The following SYT9 variants were observed in gnomAD, a reference collection of about 807,000 sequenced individuals.
The protein encoded by SYT9 is synaptotagmin 9.
SYT9 carries 22 observed loss-of-function variants against 48.4 expected under a neutral mutation model. That is an observed-to-expected ratio of 0.45 (90% CI 0.32 to 0.65). SYT9 has a LOEUF of 0.65. SYT9 is among the 30% of genes least tolerant of loss of function. The probability of loss-of-function intolerance (pLI) is 0.03; values close to 1 mark genes in which losing one functional copy is unlikely to be tolerated. For missense variants in SYT9, 577 were observed against 622.0 expected (o/e 0.93, Z 0.77); for synonymous variants, 265 against 245.0 (o/e 1.08, Z -0.76).
intron 6 of SYT9, chr11:7,438,040 C>T (rs1449224361): frequency 6.6e-6 from 1 of 152,202 alleles, no homozygotes; most frequent in Non-Finnish European, 1.5e-5. Flanking sequence ...AGATGAAGCA[C>T]CGGCCTGTAA....
intron 1 of SYT9, among the ~76,000 whole-genome samples, chr11:7,286,815 C>T (rs568801429): frequency 6.6e-5 from 10 of 152,252 alleles, no homozygotes; most frequent in African/African-American, 1.4e-4. Flanking sequence ...ACAAGTTCCC[C>T]GTCTCTATCT....
At chr11:7,253,870 G>C (rs1257175176) in intron 1 of SYT9, among the ~76,000 whole-genome samples, 1 of 152,172 alleles carries the variant, frequency 6.6e-6, no homozygotes, top group Non-Finnish European at 1.5e-5. Context: ...CAATTATTTT[G>C]CATGCTTTGC....
chr11:7,283,166 C>G (rs57316964), intron 1 of SYT9, among the ~76,000 whole-genome samples: 2 of 121,644 alleles, frequency 1.6e-5, no homozygotes, highest in African/African-American at 6.4e-5. Context: ...TATATATATA[C>G]ACACACACAC....
At chr11:7,336,061 T>G (rs929103539) in intron 3 of SYT9, among the ~76,000 whole-genome samples, 33 of 152,324 alleles carry the variant, frequency 2.2e-4, no homozygotes, top group Admixed American at 2.2e-3. Flanking sequence ...GGTATCTCAT[T>G]GGCGTTTTCA....
intron 1 of SYT9, among the ~76,000 whole-genome samples, chr11:7,245,241 A>G (rs894220661): frequency 2.6e-5 from 4 of 152,202 alleles, no homozygotes; most frequent in African/African-American, 9.7e-5. Flanking sequence ...TGTAAAATGG[A>G]AACATAATGT....
intron 1 of SYT9, among the ~76,000 whole-genome samples, chr11:7,242,331 C>A (rs1230710500): frequency 6.6e-6 from 1 of 152,162 alleles, no homozygotes; most frequent in Non-Finnish European, 1.5e-5. Flanking sequence ...CTGGACCCAT[C>A]TGGGGTGGTT....
intron 1 of SYT9, among the ~76,000 whole-genome samples, chr11:7,276,140 C>G (rs1298898198): frequency 6.6e-6 from 1 of 152,132 alleles, no homozygotes; most frequent in Non-Finnish European, 1.5e-5. Context: ...CTCAGTCACT[C>G]AGGTTGGAAA....
upstream of SYT9, among the ~76,000 whole-genome samples, chr11:7,249,794 C>A (rs1283369215): frequency 6.6e-6 from 1 of 152,130 alleles, no homozygotes; most frequent in African/African-American, 2.4e-5. Flanking sequence ...TGTTAACTTG[C>A]ACAAGGTTGG....
rs192478244 is a variant in SYT9 at position 7,396,566 on chromosome 11, C to A, written c.1045-19476C>A. 4.9e-4 allele frequency among the ~76,000 whole-genome samples: 75 copies of A among 152,204 alleles called. 1 individual carries two copies. The highest frequency in any genetic ancestry group is 1.2e-3 in the Admixed American group (19 of 15,280). On this transcript the variant is annotated intron_variant, in intron 3 of 6. Transcript: ENST00000318881. ...TGGGTCAGAACAATGACGTACAAGT[C>A]TTTGCATGACTCCATGATGTTATTT...
chr11:7,266,315 A>AT (rs749153228), intron 1 of SYT9, among the ~76,000 whole-genome samples: 3 of 152,076 alleles, frequency 2.0e-5, no homozygotes, highest in Non-Finnish European at 4.4e-5. Flanking sequence ...TATTACTTTA[A>AT]TTTTGAGGGA....
At chr11:7,290,098 T>G (rs1184622111) in intron 1 of SYT9, among the ~76,000 whole-genome samples, 2 of 152,164 alleles carry the variant, frequency 1.3e-5, no homozygotes, top group East Asian at 3.8e-4. Flanking sequence ...AGTTTTACAT[T>G]GGAACAAAGT....
At chr11:7,453,635 C>T (rs1757826607) in intron 6 of SYT9, among the ~76,000 whole-genome samples, 1 of 152,186 alleles carries the variant, frequency 6.6e-6, no homozygotes, top group Admixed American at 6.5e-5. Flanking sequence ...ATGGGGCACT[C>T]CTTTGTGCTG....
chr11:7,415,077 TGC>T, intron 3 of SYT9, among the ~76,000 whole-genome samples: 1 of 151,644 alleles, frequency 6.6e-6, no homozygotes, highest in South Asian at 2.1e-4. Context: ...GGCTGCACAG[TGC>T]CTGAGATATC....
At chr11:7,412,997 A>AG (rs1847167706) in intron 3 of SYT9, among the ~76,000 whole-genome samples, 1 of 152,174 alleles carries the variant, frequency 6.6e-6, no homozygotes, top group Non-Finnish European at 1.5e-5. Context: ...GGCAGAATTG[A>AG]GACTTGTCCT....
rs1277361037 is a variant in SYT9, at chr11:7,468,355, G to A, written c.*1555G>A. On this transcript the variant is annotated 3_prime_UTR_variant, in exon 7 of 7. Coordinates refer to ENST00000318881, the MANE Select transcript of SYT9 (RefSeq NM_175733.4). ...AGATCTAAGAAGGCTATAGGCCTTT[G>A]TTTGTAGGAAGCAGTGTCATTACAT... The A allele has an allele frequency of 2.5e-6, 1 of 398,482 alleles. No homozygotes were observed. The highest frequency in any genetic ancestry group is 2.1e-5 in the African/African-American group (1 of 48,640). The allele number at this position is 398,482 out of a possible 1,614,324, so 24.7% of individuals were successfully genotyped here.
rs114903719 is a variant in SYT9, at chr11:7,356,008, C to G, written c.1044+42067C>G. Among the ~76,000 whole-genome samples, 466 of 152,352 alleles carry G rather than the reference C, an allele frequency of 3.1e-3. 6 individuals are homozygous for G. The highest frequency in any genetic ancestry group is 0.011 in the African/African-American group (449 of 41,578). On this transcript the variant is annotated intron_variant, in intron 3 of 6. Transcript: ENST00000318881. ...CTATATGAATCTAATTGGTCACACT[C>G]AAGCATTTTCCTTTGCTTTCATTTG...
At chr11:7,240,751 T>A (rs1847732020) in intron 1 of SYT9, among the ~76,000 whole-genome samples, 1 of 152,208 alleles carries the variant, frequency 6.6e-6, no homozygotes, top group South Asian at 2.1e-4. Context: ...GAGGTTAAAG[T>A]TATAGTTTAA....
At chr11:7,407,161 C>T (rs958574662) in intron 3 of SYT9, among the ~76,000 whole-genome samples, 2 of 152,110 alleles carry the variant, frequency 1.3e-5, no homozygotes, top group South Asian at 2.1e-4. Flanking sequence ...TCTCCTCACT[C>T]TGTTGATTGT....
intron 1 of SYT9, chr11:7,238,980 C>G (rs1029670590): frequency 1.9e-4 from 87 of 455,150 alleles, no homozygotes; most frequent in Non-Finnish European, 1.4e-4. Flanking sequence ...TGCCTGCACC[C>G]AGAAGTGGTG....
Sources: gnomAD v4.1 joint callset for allele counts (sites outside exome capture counted in the v4.1 genomes callset) on GRCh38, gnomAD v4.1.1 for gene constraint, MANE v1.5 for transcripts, NCBI Gene and HGNC (gene_info 2026-07-23, HGNC 2026-07-21) for gene names.